TRIM16: variants seen among roughly 807,000 people sequenced by gnomAD.
The protein encoded by TRIM16 is tripartite motif containing 16, also known as tripartite motif-containing protein 16.
TRIM16 carries 33 observed loss-of-function variants against 50.4 expected under a neutral mutation model. That is an observed-to-expected ratio of 0.65 (90% CI 0.50 to 0.88). The LOEUF (loss-of-function observed/expected upper bound fraction) is 0.88, where lower values mean the gene tolerates loss of function less well. Ranked by LOEUF, TRIM16 falls within the 40% of genes least tolerant of loss-of-function variation. The pLI, the probability that TRIM16 is intolerant of heterozygous loss-of-function variation, is 0.00. For missense variants in TRIM16, 581 were observed against 686.8 expected, an observed-to-expected ratio of 0.85 and a Z score of 1.72; for synonymous variants, 229 against 270.7, an observed-to-expected ratio of 0.85 and a Z score of 1.51.
At chr17:15,674,137 T>C (rs1280681903) in intron 6 of TRIM16, among the ~76,000 whole-genome samples, 3 of 152,090 alleles carry the variant, frequency 2.0e-5, no homozygotes, top group Non-Finnish European at 2.9e-5. Flanking sequence ...TTTGGGAGGC[T>C]GAGACGGGCG....
At chr17:15,632,116 C>T (rs191728995) in intron 10 of TRIM16, 1 of 298,714 alleles carries the variant, frequency 3.3e-6, no homozygotes, top group Non-Finnish European at 6.4e-6. Flanking sequence ...TGACTGGGCA[C>T]GGTGGCTCAC....
chr17:15,669,840 C>T (rs1436030914), intron 6 of TRIM16, among the ~76,000 whole-genome samples: 3 of 152,118 alleles, frequency 2.0e-5, no homozygotes, highest in Non-Finnish European at 2.9e-5. Context: ...GGGGCTGTCC[C>T]GTGCATTGTA....
At chr17:15,683,917 C>T (rs562104553) in intron 1 of TRIM16, 22 of 152,336 alleles carry the variant, frequency 1.4e-4, no homozygotes, top group Admixed American at 4.6e-4. Flanking sequence ...TTGGGCGCTA[C>T]CTGCCTCACT....
chr17:15,638,914 C>T lies in TRIM16; in HGVS notation c.616-2645G>A, dbSNP rs926063473. ...GGCCAGGGCTCAGCAATTCACTCCA[C>T]GAGAATGGTCTCTGATCAGTCTTCA... On this transcript the variant is annotated intron_variant, in intron 8 of 11. Coordinates refer to ENST00000649191, the MANE Select transcript of TRIM16 (RefSeq NM_001348119.1). 4.8e-5 allele frequency among the ~76,000 whole-genome samples: 7 copies of T among 146,692 alleles called. 1 individual carries two copies. Among genetic ancestry groups the T allele is most frequent in the South Asian group, 2.3e-4 (1 of 4,394 alleles).
chr17:15,633,843 A>G (rs1207262392), intron 9 of TRIM16, among the ~76,000 whole-genome samples: 1 of 151,162 alleles, frequency 6.6e-6, no homozygotes, highest in Admixed American at 6.6e-5. Context: ...CCCGGCCAAT[A>G]AATAAGTTAT....
chr17:15,656,002 C>T (rs183659015), intron 6 of TRIM16, among the ~76,000 whole-genome samples: 48 of 152,180 alleles, frequency 3.2e-4, no homozygotes, highest in African/African-American at 1.1e-3. Flanking sequence ...AGTGCATGTC[C>T]GAGCTCAATG....
intron 3 of TRIM16, among the ~76,000 whole-genome samples, chr17:15,681,849 T>C (rs970386717): frequency 1.3e-5 from 2 of 152,248 alleles, no homozygotes; most frequent in Admixed American, 6.5e-5. Flanking sequence ...TAAACCTCCT[T>C]GTGGATTTGT....
intron 6 of TRIM16, among the ~76,000 whole-genome samples, chr17:15,652,455 CTTTTTTT>C (rs34158100): frequency 6.1e-5 from 4 of 65,396 alleles, no homozygotes; most frequent in Admixed American, 3.6e-4. Flanking sequence ...CGGTGCCCAC[CTTTTTTT>C]TTTTTTTTTT....
chr17:15,663,600 G>C (rs1242442069), intron 6 of TRIM16, among the ~76,000 whole-genome samples: 2 of 152,174 alleles, frequency 1.3e-5, no homozygotes, highest in Admixed American at 1.3e-4. Flanking sequence ...TAAACTGCTT[G>C]TTTTCAGGCT....
intron 6 of TRIM16, among the ~76,000 whole-genome samples, chr17:15,660,938 T>G (rs1023365935): frequency 1.4e-5 from 2 of 147,994 alleles, no homozygotes; most frequent in Admixed American, 1.3e-4. Flanking sequence ...CAGAGGGGGC[T>G]ATTGCCTCCG....
At position 15,683,081 on chromosome 17, in the gene TRIM16, T is replaced by C; in HGVS notation, c.-822A>G. ...GTCCAATCCTCCATAATCATAGCCT[T>C]TGCTTCACTATTTGGGTGTAGCAAC... On this transcript the variant is annotated 5_prime_UTR_variant, in exon 2 of 12. Coordinates refer to ENST00000649191, the MANE Select transcript of TRIM16 (RefSeq NM_001348119.1). 1 of 1,550,620 alleles carries C rather than the reference T, an allele frequency of 6.4e-7. No individual in the cohort carries two copies. Among genetic ancestry groups the C allele is most frequent in the Non-Finnish European group, 8.7e-7 (1 of 1,146,994 alleles).
At chr17:15,654,506 C>T (rs1987879215) in intron 6 of TRIM16, 3 of 152,156 alleles carry the variant, frequency 2.0e-5, no homozygotes, top group Admixed American at 1.3e-4. Flanking sequence ...AACCCAATTC[C>T]CCCTGAGGAA....
At chr17:15,649,079 T>C (rs1207012549) in intron 7 of TRIM16, among the ~76,000 whole-genome samples, 2 of 152,196 alleles carry the variant, frequency 1.3e-5, no homozygotes, top group Admixed American at 6.5e-5. Flanking sequence ...CTGCTTGGAA[T>C]TGCAATTACC....
chr17:15,652,066 C>T, intron 6 of TRIM16, 120 bp from the exon 7 acceptor site: 1 of 739,178 alleles, frequency 1.4e-6, no homozygotes, highest in Non-Finnish European at 1.7e-6. Flanking sequence ...AGGACTTCAA[C>T]ACCAGGACAG....
At chr17:15,633,770 G>C (rs1319965740) in intron 9 of TRIM16, among the ~76,000 whole-genome samples, 13 of 150,660 alleles carry the variant, frequency 8.6e-5, no homozygotes, top group African/African-American at 3.2e-4. Context: ...TCAAACTCCT[G>C]ACCTCATGAT....
Position 15,679,411 on chromosome 17 carries a change from C to G in TRIM16, c.-590+1454G>C, listed in dbSNP as rs369570001. On this transcript the variant is annotated intron_variant, in intron 4 of 11. Coordinates refer to ENST00000649191, the MANE Select transcript of TRIM16 (RefSeq NM_001348119.1). ...TAGAGTGCAGAAATCTGAGGCCTCA[C>G]GTGGTTGGAAAAGCAAACTGTTTCT... 4.7e-5 allele frequency among the ~76,000 whole-genome samples: 7 copies of G among 148,930 alleles called. No homozygotes were observed. The East Asian group carries it at 1.2e-3, about 25-fold the overall frequency.
At chr17:15,632,379 A>C in intron 10 of TRIM16, 130 bp downstream of exon 10, 1 of 1,403,426 alleles carries the variant, frequency 7.1e-7, no homozygotes, top group Non-Finnish European at 9.5e-7. Flanking sequence ...TGTCTCACAG[A>C]AAAAGAAAAA....
At position 15,677,493 on chromosome 17, in the gene TRIM16, A is replaced by G. The variant is rs543003800; in HGVS notation, c.-443+82T>C. 4.0e-5 allele frequency: 40 copies of G among 995,664 alleles called. No individual in the cohort carries two copies. The South Asian group carries it at 1.7e-3, about 42-fold the overall frequency. 61.7% of individuals were successfully genotyped at this position (995,664 alleles called of 1,614,324 possible). On this transcript the variant is annotated intron_variant, in intron 5 of 11. Transcript: ENST00000649191. The stretch of plus-strand genomic sequence containing the variant: ...AATAACCAAAGCCTCATTTGTTACC[A>G]TTCCCTAATAGAAGCAAGGGAATCT...
At chr17:15,666,212 T>C (rs1451634835) in intron 6 of TRIM16, among the ~76,000 whole-genome samples, 1 of 152,250 alleles carries the variant, frequency 6.6e-6, no homozygotes, top group Non-Finnish European at 1.5e-5. Context: ...CCATTCTCCA[T>C]TCTGCATCCA....
Sources: allele counts gnomAD v4.1 joint callset (sites outside exome capture counted in the v4.1 genomes callset), GRCh38; gene constraint gnomAD v4.1.1; transcripts MANE v1.5; gene names NCBI Gene and HGNC (gene_info 2026-07-23, HGNC 2026-07-21).